HPSE: variants seen among roughly 807,000 people sequenced by gnomAD.
HPSE encodes heparanase.
A neutral mutation model predicts 65.1 loss-of-function variants in HPSE; 48 were observed. That is an observed-to-expected ratio of 0.74 (90% CI 0.58 to 0.94). The LOEUF is 0.94. HPSE is among the 40% of genes least tolerant of loss of function. HPSE has a pLI of 0.00. For synonymous variants in HPSE, 243 were observed against 260.0 expected (o/e 0.93, Z 0.63); for missense variants, 644 against 637.5 (o/e 1.01, Z -0.11).
chr4:83,315,615 C>T (rs1485097431), intron 3 of HPSE, among the ~76,000 whole-genome samples: 4 of 152,102 alleles, frequency 2.6e-5, no homozygotes, highest in Non-Finnish European at 5.9e-5. Context: ...AAGACTTGAG[C>T]TCCAGGCACA....
chr4:83,301,918 C>CTGCA (rs1238326134), intron 10 of HPSE, among the ~76,000 whole-genome samples: 1 of 152,160 alleles, frequency 6.6e-6, no homozygotes, highest in African/African-American at 2.4e-5. Flanking sequence ...GATTGCACCA[C>CTGCA]TGCACTCCAG....
intron 9 of HPSE, among the ~76,000 whole-genome samples, chr4:83,305,647 C>T (rs995194566): frequency 1.3e-5 from 2 of 152,114 alleles, no homozygotes; most frequent in Admixed American, 1.3e-4. Context: ...TTCCACGAGG[C>T]TTTTTGGGAA....
chr4:83,333,279 G>A (rs1456916625), intron 1 of HPSE, among the ~76,000 whole-genome samples: 3 of 152,184 alleles, frequency 2.0e-5, no homozygotes, highest in Non-Finnish European at 4.4e-5. Context: ...AATAATCCTT[G>A]AGGCAAGCTT....
intron 8 of HPSE, among the ~76,000 whole-genome samples, chr4:83,307,602 G>A (rs988328412): frequency 6.6e-6 from 1 of 152,138 alleles, no homozygotes; most frequent in Admixed American, 6.5e-5. Flanking sequence ...GGCAGTCAGC[G>A]GGGGTAAAAT....
In HPSE at chr4:83,293,923, G is replaced by A. The variant is rs1487041713; in HGVS notation, c.*1421C>T. The A allele has an allele frequency of 6.6e-6, 1 of 152,196 alleles. No individual in the cohort carries two copies. Among genetic ancestry groups the A allele is most frequent in the Non-Finnish European group, 1.5e-5 (1 of 68,022 alleles). The allele number at this position is 152,196 out of a possible 1,614,324, so 9.4% of individuals were successfully genotyped here. On this transcript the variant is annotated 3_prime_UTR_variant, in exon 12 of 12. Coordinates refer to ENST00000311412, the MANE Select transcript of HPSE (RefSeq NM_001098540.3). The stretch of plus-strand genomic sequence containing the variant: ...AGTATGCTTTTTCTGATGGGTGCCT[G>A]TAGAGATGGCACATGAAGGAAAGAA...
At chr4:83,330,377 G>A (rs139404199) in intron 1 of HPSE, among the ~76,000 whole-genome samples, 74 of 152,318 alleles carry the variant, frequency 4.9e-4, no homozygotes, top group Middle Eastern at 6.8e-3. Flanking sequence ...GGTTAGTGGG[G>A]AAGGCAATAA....
rs980913088 is a variant in HPSE, at chr4:83,292,682, C to T, written c.*2662G>A. The T allele has an allele frequency of 3.9e-5, 6 of 152,138 alleles. No individual in the cohort carries two copies. Among genetic ancestry groups the T allele is most frequent in the African/African-American group, 1.4e-4 (6 of 41,392 alleles). 9.4% of individuals were successfully genotyped at this position (152,138 alleles called of 1,614,324 possible). ...TATGTACCATGGACTATTACTCAGC[C>T]ATAAAGAAGAATAATGTATTTTGCA... is the stretch of plus-strand genomic sequence containing the variant. On this transcript the variant is annotated 3_prime_UTR_variant, in exon 12 of 12. Coordinates refer to ENST00000311412, the MANE Select transcript of HPSE (RefSeq NM_001098540.3).
At chr4:83,311,228 C>A (rs1398685328) in intron 4 of HPSE, among the ~76,000 whole-genome samples, 2 of 151,984 alleles carry the variant, frequency 1.3e-5, no homozygotes, top group Non-Finnish European at 2.9e-5. Context: ...TCACTTGAGC[C>A]CAGAAGGTCG....
chr4:83,316,190 C>A (rs1055358093), intron 3 of HPSE, among the ~76,000 whole-genome samples: 1 of 151,986 alleles, frequency 6.6e-6, no homozygotes, highest in African/African-American at 2.4e-5. Context: ...CCAAGCCCGG[C>A]TAGTTTTTGT....
chr4:83,330,740 G>A (rs536085447), intron 1 of HPSE, among the ~76,000 whole-genome samples: 7 of 152,248 alleles, frequency 4.6e-5, no homozygotes, highest in East Asian at 1.9e-4. Context: ...ATTGCTGTTC[G>A]TACCACTTTT....
At chr4:83,313,712 T>A (rs1021472457) in intron 3 of HPSE, among the ~76,000 whole-genome samples, 7 of 152,156 alleles carry the variant, frequency 4.6e-5, no homozygotes, top group African/African-American at 1.4e-4. Context: ...TTTAAAACAA[T>A]TTTTAAAAAA....
intron 4 of HPSE, among the ~76,000 whole-genome samples, chr4:83,312,384 A>G (rs1402300239): frequency 6.6e-6 from 1 of 152,238 alleles, no homozygotes; most frequent in Admixed American, 6.5e-5. Flanking sequence ...TGCTAATAAT[A>G]AAAAGAGTGT....
At chr4:83,311,267 C>T (rs1003402093) in intron 4 of HPSE, among the ~76,000 whole-genome samples, 13 of 151,926 alleles carry the variant, frequency 8.6e-5, no homozygotes, top group African/African-American at 2.2e-4. Context: ...ATCACGCAAC[C>T]GCACTCCAGC....
chr4:83,327,548 A>G (rs1205423256), intron 1 of HPSE, among the ~76,000 whole-genome samples: 1 of 152,218 alleles, frequency 6.6e-6, no homozygotes, highest in Non-Finnish European at 1.5e-5. Context: ...ATAACAGATG[A>G]ATGCATAAAA....
At chr4:83,318,728 A>G (rs956315792) in intron 3 of HPSE, among the ~76,000 whole-genome samples, 28 of 149,552 alleles carry the variant, frequency 1.9e-4, no homozygotes, top group African/African-American at 2.5e-4. Context: ...AAAAAAAAAA[A>G]GGGGGTTCCT....
At position 83,322,271 on chromosome 4, in the gene HPSE, C is replaced by T; in HGVS notation, c.321G>A (p.Lys107=). 2 of 1,613,956 alleles carry T rather than the reference C, an allele frequency of 1.2e-6. No individual in the cohort carries two copies. The highest frequency in any genetic ancestry group is 2.2e-5 in the South Asian group (2 of 91,058). The change falls in exon 2 of 12, where the codon AAG becomes AAA. Residue 107 remains lysine, a synonymous_variant. Transcript: ENST00000311412. ...TKTDFLIFDP[K]KESTFEERSY... ...TTCTCTCTTCAAAGGTTGATTCCTT[C>T]TTGGGATCGAAAATTAGGAAGTCTG...
chr4:83,293,678 C>T lies in HPSE; in HGVS notation c.*1666G>A, dbSNP rs1735626773. ...TTGGGTGTTTTCTAAAATTTATCCT[C>T]TTGACAAATCAATTTCATTTATAGT... On this transcript the variant is annotated 3_prime_UTR_variant, in exon 12 of 12. Transcript: ENST00000311412. 1 of 152,198 alleles carries T rather than the reference C, an allele frequency of 6.6e-6. No homozygotes were observed. Among genetic ancestry groups the T allele is most frequent in the South Asian group, 2.1e-4 (1 of 4,830 alleles). The allele number at this position is 152,198 out of a possible 1,614,324, so 9.4% of individuals were successfully genotyped here.
intron 2 of HPSE, among the ~76,000 whole-genome samples, chr4:83,321,378 T>C (rs918966856): frequency 6.6e-6 from 1 of 152,238 alleles, no homozygotes; most frequent in Admixed American, 6.5e-5. Flanking sequence ...AAAGATATAA[T>C]ATATGAAATA....
At chr4:83,334,411 G>A (rs1435899191) in intron 1 of HPSE, 145 bp downstream of exon 1, 2 of 891,448 alleles carry the variant, frequency 2.2e-6, no homozygotes, top group Non-Finnish European at 3.4e-6. Flanking sequence ...GGGAGAATGA[G>A]AGGCGGGAAG....
Sources: allele counts gnomAD v4.1 joint callset (sites outside exome capture counted in the v4.1 genomes callset), GRCh38; gene constraint gnomAD v4.1.1; transcripts MANE v1.5; gene names NCBI Gene and HGNC (gene_info 2026-07-23, HGNC 2026-07-21).